The following TMEM132D variants were observed in gnomAD, a reference collection of about 807,000 sequenced individuals.
TMEM132D encodes the protein mature OL transmembrane protein.
Under a neutral mutation model 62.3 loss-of-function variants are expected in TMEM132D, and 21 were observed. That is an observed-to-expected ratio of 0.34 (90% CI 0.24 to 0.49). TMEM132D has a LOEUF of 0.49. TMEM132D is among the 20% of genes least tolerant of loss of function. The pLI is 0.99. For missense variants in TMEM132D, 1,346 were observed against 1,402.8 expected (o/e 0.96, Z 0.65); for synonymous variants, 621 against 575.6 (o/e 1.08, Z -1.13).
intron 3 of TMEM132D, among the ~76,000 whole-genome samples, chr12:129,503,867 C>T (rs1216357692): frequency 6.6e-6 from 1 of 152,040 alleles, no homozygotes; most frequent in Admixed American, 6.6e-5. Context: ...GATTTTCCTC[C>T]TCCTCCTCAT....
intron 3 of TMEM132D, among the ~76,000 whole-genome samples, chr12:129,449,590 C>T (rs2135725525): frequency 6.6e-6 from 1 of 152,242 alleles, no homozygotes; most frequent in African/African-American, 2.4e-5. Flanking sequence ...TTTACTTGTC[C>T]AAATTCAACT....
At chr12:129,501,856 C>T (rs1190593614) in intron 3 of TMEM132D, among the ~76,000 whole-genome samples, 1 of 152,090 alleles carries the variant, frequency 6.6e-6, no homozygotes, top group Non-Finnish European at 1.5e-5. Flanking sequence ...GAGGGCTTGT[C>T]ATCATCACTA....
intron 1 of TMEM132D, among the ~76,000 whole-genome samples, chr12:129,847,838 G>A (rs1357195294): frequency 6.6e-6 from 1 of 151,956 alleles, no homozygotes; most frequent in African/African-American, 2.4e-5. Context: ...AAACTATCAC[G>A]CAGTGCGGAA....
At position 129,648,864 on chromosome 12, in the gene TMEM132D, A is replaced by T. The variant is rs544936326; in HGVS notation, c.968+50946T>A. On this transcript the variant is annotated intron_variant, in intron 2 of 8. Coordinates refer to ENST00000422113, the MANE Select transcript of TMEM132D (RefSeq NM_133448.3). ...AAATAGGGTTTTTCCTTTATAAAAAAATATATATATAATTGGTAAATTAAA... is the reference window on the plus strand; with the variant it reads ...AAATAGGGTTTTTCCTTTATAAAAATATATATATATAATTGGTAAATTAAA... Among the ~76,000 whole-genome samples the T allele has an allele frequency of 1.7e-3, 257 of 152,218 alleles. 1 individual carries two copies. The Middle Eastern group carries it at 0.02, about 12-fold the overall frequency.
At chr12:129,174,235 C>CA (rs1877834123) in intron 5 of TMEM132D, among the ~76,000 whole-genome samples, 1 of 152,178 alleles carries the variant, frequency 6.6e-6, no homozygotes, top group African/African-American at 2.4e-5. Flanking sequence ...CCTTGCCCCC[C>CA]ACCCCTCAAC....
At chr12:129,812,344 C>T (rs1355880284) in intron 1 of TMEM132D, among the ~76,000 whole-genome samples, 12 of 151,700 alleles carry the variant, frequency 7.9e-5, no homozygotes, top group Non-Finnish European at 2.9e-5. Flanking sequence ...TGTTTGAAAC[C>T]GTTCATTTGC....
chr12:129,152,482 C>G (rs754901320), intron 5 of TMEM132D, among the ~76,000 whole-genome samples: 1 of 152,144 alleles, frequency 6.6e-6, no homozygotes, highest in African/African-American at 2.4e-5. Context: ...AAATGCTGCT[C>G]GAAAATCCCC....
rs1300386016 is a variant in TMEM132D at position 129,282,477 on chromosome 12, G to A, written c.1299+55157C>T. On this transcript the variant is annotated intron_variant, in intron 4 of 8. Transcript: ENST00000422113. The stretch of plus-strand genomic sequence containing the variant: ...CATCTGTAGATGGCACAGATCTGAG[G>A]TCCAGATGAACACCAGCTACGATCC... 4.6e-5 allele frequency among the ~76,000 whole-genome samples: 7 copies of A among 152,274 alleles called. No individual in the cohort carries two copies. In the East Asian group the frequency reaches 1.4e-3, roughly 29 times the overall value.
chr12:129,250,190 C>G (rs1331563732), intron 4 of TMEM132D, among the ~76,000 whole-genome samples: 1 of 152,168 alleles, frequency 6.6e-6, no homozygotes, highest in African/African-American at 2.4e-5. Context: ...CTCCTGCCCT[C>G]ACACCTCCTC....
rs555725914 is a variant in TMEM132D, at chr12:129,826,494, T to G, written c.79+76767A>C. On this transcript the variant is annotated intron_variant, in intron 1 of 8. Transcript: ENST00000422113. ...CTCATGTCTCTAGAGGTAAATGCAC[T>G]GAATGAGTGCAGCCCGCCTTGCTCC... is the stretch of plus-strand genomic sequence containing the variant. Among the ~76,000 whole-genome samples, 3 of 152,310 alleles carry G rather than the reference T, an allele frequency of 2.0e-5. 1 individual carries two copies. The Middle Eastern group carries it at 0.01, about 518-fold the overall frequency.
chr12:129,834,096 C>G (rs950416553), intron 1 of TMEM132D, among the ~76,000 whole-genome samples: 1 of 152,140 alleles, frequency 6.6e-6, no homozygotes, highest in Non-Finnish European at 1.5e-5. Flanking sequence ...GGGATTGTAA[C>G]CGAGTGGCCC....
At chr12:129,527,290 C>G (rs7304410) in intron 3 of TMEM132D, among the ~76,000 whole-genome samples, 31,945 of 152,162 alleles carry the variant, frequency 0.21, 4,106 homozygotes, top group African/African-American at 0.34. Context: ...GCTTGGGCAA[C>G]AGTGTGAGAC....
chr12:129,354,749 C>A (rs1566042979), intron 3 of TMEM132D, among the ~76,000 whole-genome samples: 1 of 152,142 alleles, frequency 6.6e-6, no homozygotes, highest in Non-Finnish European at 1.5e-5. Flanking sequence ...GGTAAAAAAT[C>A]TATTCTCCAT....
In TMEM132D at chr12:129,867,887, C is replaced by T. The variant is rs1343044943; in HGVS notation, c.79+35374G>A. Among the ~76,000 whole-genome samples the T allele has an allele frequency of 6.6e-6, 1 of 152,196 alleles. No individual in the cohort carries two copies. The highest frequency in any genetic ancestry group is 2.4e-5 in the African/African-American group (1 of 41,442). ...GCTGGAAAAGGAGCAGAAGAAACTTCTAGGGCAATGGAAATGTCTGTGTCT... is the reference window on the plus strand; with the variant it reads ...GCTGGAAAAGGAGCAGAAGAAACTTTTAGGGCAATGGAAATGTCTGTGTCT... On this transcript the variant is annotated intron_variant, in intron 1 of 8. Coordinates refer to ENST00000422113, the MANE Select transcript of TMEM132D (RefSeq NM_133448.3). This position sits in a 1 kb window ranked among gnomAD's most constrained non-coding sequence, Gnocchi z 4.5.
chr12:129,843,500 G>A (rs1424731656), intron 1 of TMEM132D, among the ~76,000 whole-genome samples: 2 of 152,062 alleles, frequency 1.3e-5, no homozygotes, highest in Non-Finnish European at 2.9e-5. Flanking sequence ...ACCACTACAC[G>A]CTAAATGATA....
chr12:129,637,248 G>A (rs1425361475), intron 2 of TMEM132D, among the ~76,000 whole-genome samples: 2 of 152,032 alleles, frequency 1.3e-5, no homozygotes, highest in African/African-American at 4.8e-5. Flanking sequence ...TCTATACTTT[G>A]TCTCTCTAAA....
At chr12:129,126,005 G>A (rs1024640272) in intron 5 of TMEM132D, among the ~76,000 whole-genome samples, 5 of 152,080 alleles carry the variant, frequency 3.3e-5, no homozygotes, top group Admixed American at 1.3e-4. Flanking sequence ...GAACATTCCC[G>A]GGGGGCCAGC....
intron 2 of TMEM132D, among the ~76,000 whole-genome samples, chr12:129,662,991 G>A (rs929719223): frequency 1.3e-5 from 2 of 152,106 alleles, no homozygotes; most frequent in Admixed American, 1.3e-4. Flanking sequence ...AGAGACCCAG[G>A]CTCCTTCCAG....
chr12:129,580,755 A>AAATC (rs979169404), intron 2 of TMEM132D, among the ~76,000 whole-genome samples: 18 of 151,892 alleles, frequency 1.2e-4, no homozygotes, highest in African/African-American at 2.7e-4. Flanking sequence ...ATAAATAAAT[A>AAATC]AATCACTGTC....
Sources: allele counts gnomAD v4.1 joint callset (sites outside exome capture counted in the v4.1 genomes callset), GRCh38; gene constraint gnomAD v4.1.1; non-coding constraint Gnocchi (gnomAD v3.1); transcripts MANE v1.5; gene names NCBI Gene and HGNC (gene_info 2026-07-23, HGNC 2026-07-21).